Variants in ADK observed in about 807,000 individuals in gnomAD.
ADK encodes the protein N6,N6-dimethyladenosine kinase.
Under a neutral mutation model 44.7 loss-of-function variants are expected in ADK, and 24 were observed. That is an observed-to-expected ratio of 0.54 (90% CI 0.39 to 0.76). ADK has a LOEUF of 0.76. ADK is among the 30% of genes least tolerant of loss of function. The probability of loss-of-function intolerance (pLI) is 0.00; values close to 1 mark genes in which losing one functional copy is unlikely to be tolerated. For synonymous variants in ADK, 128 were observed against 142.6 expected (o/e 0.90, Z 0.73); for missense variants, 321 against 425.1 (o/e 0.76, Z 2.15).
intron 9 of ADK, among the ~76,000 whole-genome samples, chr10:74,622,871 G>A (rs971071677): frequency 2.0e-5 from 3 of 152,188 alleles, no homozygotes; most frequent in African/African-American, 7.2e-5. Context: ...GCCAGGTGTG[G>A]TGGTGCATGC....
At chr10:74,600,100 G>A (rs1852061806) in intron 8 of ADK, among the ~76,000 whole-genome samples, 1 of 152,032 alleles carries the variant, frequency 6.6e-6, no homozygotes, top group South Asian at 2.1e-4. Context: ...TATAGTTCTT[G>A]GAGTTTACTT....
intron 9 of ADK, among the ~76,000 whole-genome samples, chr10:74,669,385 A>G (rs926214730): frequency 1.3e-5 from 2 of 152,216 alleles, no homozygotes; most frequent in South Asian, 2.1e-4. Context: ...TTGCAGATGT[A>G]TCTTGTAAGC....
intron 6 of ADK, among the ~76,000 whole-genome samples, chr10:74,507,983 T>A (rs530548957): frequency 6.6e-6 from 1 of 152,138 alleles, no homozygotes; most frequent in Non-Finnish European, 1.5e-5. Context: ...ACATTTCAGA[T>A]AGAAGGAAAA....
intron 3 of ADK, among the ~76,000 whole-genome samples, chr10:74,279,598 G>C (rs958698931): frequency 6.7e-6 from 1 of 150,360 alleles, no homozygotes; most frequent in African/African-American, 2.4e-5. Flanking sequence ...AAAAAAAATT[G>C]AGTGCCTTTT....
At chr10:74,526,498 A>G (rs1849048306) in intron 7 of ADK, among the ~76,000 whole-genome samples, 1 of 152,226 alleles carries the variant, frequency 6.6e-6, no homozygotes, top group Admixed American at 6.5e-5. Flanking sequence ...TAATCATCCC[A>G]GAAGTTCATT....
chr10:74,271,043 AG>A lies in ADK; in HGVS notation c.195-43623del, dbSNP rs1846411990. 3.3e-5 allele frequency among the ~76,000 whole-genome samples: 5 copies of A among 152,324 alleles called. No homozygotes were observed. The South Asian group carries it at 1.0e-3, about 32-fold the overall frequency. ...AATAGAATGCATATAGCGGTAATGT[AG>A]TCTTCTATTTGGCAGGAATATATAT... On this transcript the variant is annotated intron_variant, in intron 3 of 10. Transcript: ENST00000539909.
chr10:74,205,071 T>TAAAAAAAA (rs1843542063), intron 2 of ADK, among the ~76,000 whole-genome samples: 1 of 107,810 alleles, frequency 9.3e-6, no homozygotes, highest in Non-Finnish European at 2.0e-5. Context: ...AAAAAAAAAT[T>TAAAAAAAA]AAACCAAGCC....
At chr10:74,156,938 A>G (rs1403231169) in intron 1 of ADK, among the ~76,000 whole-genome samples, 1 of 152,212 alleles carries the variant, frequency 6.6e-6, no homozygotes, top group Non-Finnish European at 1.5e-5. Context: ...GAAAAGAAAC[A>G]TGCAGTTAGA....
intron 9 of ADK, among the ~76,000 whole-genome samples, chr10:74,645,185 C>G (rs557943145): frequency 2.6e-5 from 4 of 152,288 alleles, no homozygotes; most frequent in African/African-American, 9.6e-5. Flanking sequence ...AATGTACTGT[C>G]TTTTATCCAT....
chr10:74,475,820 G>A (rs1846814134), intron 6 of ADK, among the ~76,000 whole-genome samples: 1 of 151,808 alleles, frequency 6.6e-6, no homozygotes, highest in Admixed American at 6.6e-5. Context: ...AGAAAAAGGA[G>A]GGAGAGGGAG....
intron 10 of ADK, among the ~76,000 whole-genome samples, chr10:74,686,677 G>C (rs1435164690): frequency 6.6e-6 from 1 of 151,980 alleles, no homozygotes; most frequent in African/African-American, 2.4e-5. Flanking sequence ...TTTGTTTTTT[G>C]TTTTTTGTGT....
Position 74,421,478 on chromosome 10 carries a change from G to T in ADK, c.555+22899G>T, listed in dbSNP as rs1282140129. Reference sequence around the variant, plus strand: ...ATGTTTAGCTTAATATATGCAGATGGATAGATGCAGAAATAATTATAGATG... The same window carrying T: ...ATGTTTAGCTTAATATATGCAGATGTATAGATGCAGAAATAATTATAGATG... On this transcript the variant is annotated intron_variant, in intron 6 of 10. Transcript: ENST00000539909. 2.6e-5 allele frequency among the ~76,000 whole-genome samples: 4 copies of T among 152,142 alleles called. No homozygotes were observed. The East Asian group carries it at 7.7e-4, about 29-fold the overall frequency.
intron 6 of ADK, among the ~76,000 whole-genome samples, chr10:74,475,429 G>A (rs533230165): frequency 1.3e-5 from 2 of 152,234 alleles, no homozygotes; most frequent in Non-Finnish European, 2.9e-5. Flanking sequence ...CAAAGAGAAG[G>A]ACCAGGCATG....
At chr10:74,237,729 T>C (rs2132288555) in intron 3 of ADK, among the ~76,000 whole-genome samples, 1 of 152,300 alleles carries the variant, frequency 6.6e-6, no homozygotes, top group African/African-American at 2.4e-5. Flanking sequence ...TTAGCAGCCA[T>C]GAAAACAGCA....
chr10:74,453,429 C>T (rs534223105), intron 6 of ADK, among the ~76,000 whole-genome samples: 134 of 152,140 alleles, frequency 8.8e-4, no homozygotes, highest in African/African-American at 3.1e-3. Context: ...GAGAATGGTT[C>T]ATTTTGTTTG....
chr10:74,302,109 GTTTTTTTT>G (rs1172807289), intron 3 of ADK, among the ~76,000 whole-genome samples: 1 of 13,052 alleles, frequency 7.7e-5, no homozygotes, highest in African/African-American at 2.4e-4. Flanking sequence ...TTGTTTGTTT[GTTTTTTTT>G]TTTTTTTTTT....
chr10:74,418,426 C>T (rs950561709), intron 6 of ADK, among the ~76,000 whole-genome samples: 3 of 152,052 alleles, frequency 2.0e-5, no homozygotes, highest in Non-Finnish European at 4.4e-5. Context: ...GCAGCCCAGG[C>T]GGCAACAGCA....
intron 6 of ADK, among the ~76,000 whole-genome samples, chr10:74,444,193 A>G (rs764840298): frequency 1.4e-4 from 21 of 152,256 alleles, no homozygotes; most frequent in Middle Eastern, 3.4e-3. Context: ...GCATTTCTTC[A>G]CAGAAATTAA....
intron 3 of ADK, among the ~76,000 whole-genome samples, chr10:74,233,290 G>A (rs534836045): frequency 1.3e-5 from 2 of 152,294 alleles, no homozygotes; most frequent in Admixed American, 6.5e-5. Context: ...AATGAATTGC[G>A]TGTTCTGTTA....
Sources: gnomAD v4.1 joint callset for allele counts (sites outside exome capture counted in the v4.1 genomes callset) on GRCh38, gnomAD v4.1.1 for gene constraint, MANE v1.5 for transcripts, NCBI Gene and HGNC (gene_info 2026-07-23, HGNC 2026-07-21) for gene names.